Variants in RBFOX1 observed in about 807,000 individuals in gnomAD.
The protein encoded by RBFOX1 is RNA binding protein fox-1 homolog 1.
In RBFOX1, 8 loss-of-function variants were observed where a neutral mutation model predicts 57.7. The observed-to-expected ratio is 0.14, with a 90% CI of 0.08 to 0.25. RBFOX1 has a LOEUF of 0.25. RBFOX1 is among the 10% of genes least tolerant of loss of function. RBFOX1 has a pLI of 1.00. For synonymous variants in RBFOX1, 326 were observed against 222.4 expected (o/e 1.47, Z -4.15); for missense variants, 611 against 548.5 (o/e 1.11, Z -1.14).
intron 1 of RBFOX1, among the ~76,000 whole-genome samples, chr16:6,264,626 C>G (rs927425967): frequency 5.3e-5 from 8 of 152,114 alleles, no homozygotes; most frequent in African/African-American, 1.9e-4. Flanking sequence ...TGCTCATACT[C>G]TCCCCACCGC....
At chr16:6,600,123 T>A (rs1369625832) in intron 2 of RBFOX1, among the ~76,000 whole-genome samples, 3 of 152,170 alleles carry the variant, frequency 2.0e-5, no homozygotes, top group South Asian at 2.1e-4. Flanking sequence ...CTCACTTCCC[T>A]TACCAGACCC....
At chr16:7,516,201 C>T (rs923084451) in intron 4 of RBFOX1, among the ~76,000 whole-genome samples, 2 of 152,090 alleles carry the variant, frequency 1.3e-5, no homozygotes, top group Non-Finnish European at 2.9e-5. Context: ...TGCCCATCAC[C>T]GTGGAAAGAG....
intron 4 of RBFOX1, among the ~76,000 whole-genome samples, chr16:7,480,648 G>A (rs2063712568): frequency 6.6e-6 from 1 of 152,194 alleles, no homozygotes; most frequent in Non-Finnish European, 1.5e-5. Context: ...TGCCGCATGA[G>A]CAAGTGCAGT....
At chr16:5,346,978 G>T (rs772838830) in intron 1 of RBFOX1, among the ~76,000 whole-genome samples, 1 of 151,976 alleles carries the variant, frequency 6.6e-6, no homozygotes, top group Non-Finnish European at 1.5e-5. Context: ...TGCATTGGTC[G>T]CTCTGTCTGC....
intron 3 of RBFOX1, among the ~76,000 whole-genome samples, chr16:6,660,620 G>C (rs2098695279): frequency 6.6e-6 from 1 of 152,080 alleles, no homozygotes; most frequent in Non-Finnish European, 1.5e-5. Context: ...TTCTTACCCT[G>C]TATATATCTT....
intron 1 of RBFOX1, among the ~76,000 whole-genome samples, chr16:6,228,764 T>C (rs1403499342): frequency 6.6e-6 from 1 of 152,184 alleles, no homozygotes. Flanking sequence ...TTAGTACCAA[T>C]GTATGGTGCT....
rs188991667 is a variant in RBFOX1 at position 7,035,047 on chromosome 16, A to T, written c.-15-17010A>T. On this transcript the variant is annotated intron_variant, in intron 3 of 15. Transcript: ENST00000550418. ...ATTTTTATTAGAGACAGGGTTTTAC[A>T]TTGTTGGCCAGGGTGGTCTCAAACT... Among the ~76,000 whole-genome samples, 9 of 150,762 alleles carry T rather than the reference A, an allele frequency of 6.0e-5. No homozygotes were observed. In the East Asian group the frequency reaches 1.8e-3, roughly 30 times the overall value.
At chr16:6,062,621 T>TATAATATACAACATATACATATA in intron 1 of RBFOX1, among the ~76,000 whole-genome samples, 1 of 147,710 alleles carries the variant, frequency 6.8e-6, no homozygotes, top group East Asian at 2.0e-4. Flanking sequence ...AATATATAAA[T>TATAATATACAACATATACATATA]ATATATAACA....
At chr16:5,980,000 A>G (rs1196558439) in intron 4 of RBFOX1, among the ~76,000 whole-genome samples, 1 of 152,214 alleles carries the variant, frequency 6.6e-6, no homozygotes, top group Non-Finnish European at 1.5e-5. Flanking sequence ...TCTTGCCTGC[A>G]GAAACTGCTG....
intron 1 of RBFOX1, among the ~76,000 whole-genome samples, chr16:6,140,068 T>G (rs775829666): frequency 1.3e-5 from 2 of 152,222 alleles, no homozygotes; most frequent in South Asian, 2.1e-4. Flanking sequence ...TTTCTCTGAA[T>G]GTTTGGGAGG....
intron 4 of RBFOX1, among the ~76,000 whole-genome samples, chr16:5,999,559 T>G (rs1322980436): frequency 1.3e-5 from 2 of 152,174 alleles, no homozygotes; most frequent in Non-Finnish European, 2.9e-5. Context: ...GAAGAAGGGT[T>G]GGCCGGGCGC....
chr16:7,283,806 C>G (rs922154501), intron 4 of RBFOX1, among the ~76,000 whole-genome samples: 8 of 152,180 alleles, frequency 5.3e-5, no homozygotes, highest in African/African-American at 1.9e-4. Context: ...ATAATTTACA[C>G]ACGGTAAAAT....
intron 3 of RBFOX1, among the ~76,000 whole-genome samples, chr16:6,751,148 T>C (rs2074861711): frequency 6.6e-6 from 1 of 152,200 alleles, no homozygotes; most frequent in Non-Finnish European, 1.5e-5. Flanking sequence ...GTGTGGCCTT[T>C]TCATTTACTT....
chr16:6,069,694 A>G (rs535044752), intron 1 of RBFOX1, among the ~76,000 whole-genome samples: 1 of 152,310 alleles, frequency 6.6e-6, no homozygotes, highest in African/African-American at 2.4e-5. Flanking sequence ...GTAACTAAGT[A>G]GAAGAAAATT....
At chr16:6,728,767 A>C (rs969684680) in intron 3 of RBFOX1, among the ~76,000 whole-genome samples, 5 of 152,198 alleles carry the variant, frequency 3.3e-5, no homozygotes, top group African/African-American at 7.2e-5. Flanking sequence ...TCTGAATTTC[A>C]AAGCCATTAA....
intron 2 of RBFOX1, among the ~76,000 whole-genome samples, chr16:6,349,385 T>G (rs888819168): frequency 1.3e-5 from 2 of 152,192 alleles, no homozygotes; most frequent in Non-Finnish European, 2.9e-5. Context: ...GTTTCAAACT[T>G]TTGATAATAG....
intron 4 of RBFOX1, among the ~76,000 whole-genome samples, chr16:7,310,323 A>G (rs1477062916): frequency 2.6e-5 from 4 of 152,206 alleles, no homozygotes; most frequent in African/African-American, 7.2e-5. Flanking sequence ...GGTTTGGGGA[A>G]AGAGGCTTTT....
intron 3 of RBFOX1, among the ~76,000 whole-genome samples, chr16:6,907,984 G>A (rs1237406477): frequency 6.6e-6 from 1 of 151,622 alleles, no homozygotes; most frequent in Non-Finnish European, 1.5e-5. Context: ...GGATGTCTCT[G>A]TGTCTCTATT....
intron 3 of RBFOX1, among the ~76,000 whole-genome samples, chr16:7,017,379 T>G (rs950316704): frequency 2.0e-5 from 3 of 152,150 alleles, no homozygotes; most frequent in African/African-American, 7.2e-5. Flanking sequence ...GAGCTGAAAT[T>G]TATGGCTCTC....
Sources: allele counts gnomAD v4.1 joint callset (sites outside exome capture counted in the v4.1 genomes callset), GRCh38; gene constraint gnomAD v4.1.1; transcripts MANE v1.5; gene names NCBI Gene and HGNC (gene_info 2026-07-23, HGNC 2026-07-21).